Variants in MICAL3 observed in about 807,000 individuals in gnomAD.
MICAL3 encodes the protein microtubule associated monooxygenase, calponin and LIM domain containing 3.
Under a neutral mutation model 207.4 loss-of-function variants are expected in MICAL3, and 62 were observed. That is an observed-to-expected ratio of 0.30 (90% confidence interval 0.24 to 0.37). The LOEUF (loss-of-function observed/expected upper bound fraction) is 0.37, where lower values mean the gene tolerates loss of function less well. Ranked by LOEUF, MICAL3 falls within the 10% of genes least tolerant of loss-of-function variation. MICAL3 has a pLI of 1.00. For synonymous variants in MICAL3, 1,077 were observed against 1,069.3 expected, an observed-to-expected ratio of 1.01 and a Z score of -0.14; for missense variants, 2,368 against 2,635.6, an observed-to-expected ratio of 0.90 and a Z score of 2.22.
In MICAL3 at chr22:17,932,369, G is replaced by C. The variant is rs578102854; in HGVS notation, c.-74-25483C>G. Among the ~76,000 whole-genome samples the C allele has an allele frequency of 2.6e-5, 4 of 152,254 alleles. No individual in the cohort carries two copies. The South Asian group carries it at 8.3e-4, about 32-fold the overall frequency. On this transcript the variant is annotated intron_variant, in intron 1 of 31. Coordinates refer to ENST00000441493, the MANE Select transcript of MICAL3 (RefSeq NM_015241.3). ...TTTTCAACCCAGAATTTCATATCTA[G>C]CCAAACTAAGCTTCATAAGTGAAGG... is the stretch of plus-strand genomic sequence containing the variant.
intron 1 of MICAL3, among the ~76,000 whole-genome samples, chr22:17,923,459 A>G (rs1932845322): frequency 6.6e-6 from 1 of 152,176 alleles, no homozygotes; most frequent in African/African-American, 2.4e-5. Context: ...CACCAATAAG[A>G]TTAGCCAGTG....
intron 1 of MICAL3, among the ~76,000 whole-genome samples, chr22:17,949,997 A>G (rs1298637251): frequency 2.0e-5 from 3 of 152,212 alleles, no homozygotes; most frequent in African/African-American, 7.2e-5. Flanking sequence ...GGGGTGGTCT[A>G]GAAAGGGAGA....
intron 1 of MICAL3, among the ~76,000 whole-genome samples, chr22:17,910,931 A>G (rs1303204095): frequency 1.3e-5 from 2 of 152,336 alleles, no homozygotes; most frequent in East Asian, 3.9e-4. Flanking sequence ...AGACCAGGAA[A>G]CCTGGCAGGA....
intron 29 of MICAL3, among the ~76,000 whole-genome samples, chr22:17,806,802 T>C (rs2145980261): frequency 6.6e-6 from 1 of 152,348 alleles, no homozygotes; most frequent in South Asian, 2.1e-4. Context: ...ATTTGGGTTG[T>C]GTATGTTTGA....
intron 19 of MICAL3, among the ~76,000 whole-genome samples, chr22:17,845,346 A>G (rs1371485272): frequency 6.6e-6 from 1 of 152,202 alleles, no homozygotes; most frequent in African/African-American, 2.4e-5. Context: ...TGGGGAACGC[A>G]TACTGTCTGG....
At chr22:17,963,045 C>T (rs1289794607) in intron 1 of MICAL3, among the ~76,000 whole-genome samples, 1 of 152,172 alleles carries the variant, frequency 6.6e-6, no homozygotes, top group East Asian at 1.9e-4. Context: ...AGCCACCACA[C>T]CTAGCCAGCG....
intron 25 of MICAL3, among the ~76,000 whole-genome samples, chr22:17,821,104 G>A (rs975710724): frequency 2.0e-5 from 3 of 151,706 alleles, no homozygotes; most frequent in African/African-American, 7.3e-5. Context: ...TATGGTGTGT[G>A]GTATGTGGAC....
intron 25 of MICAL3, among the ~76,000 whole-genome samples, chr22:17,820,643 C>T (rs62238915): frequency 0.23 from 35,088 of 151,986 alleles, 5,124 homozygotes; most frequent in Non-Finnish European, 0.33. Flanking sequence ...CGTGAGCCAC[C>T]GCGCCTGGCC....
intron 29 of MICAL3, among the ~76,000 whole-genome samples, chr22:17,791,953 A>G (rs2061829043): frequency 6.6e-6 from 1 of 152,244 alleles, no homozygotes; most frequent in Non-Finnish European, 1.5e-5. Flanking sequence ...GCAGAGAAAC[A>G]CTAGCAGCCC....
At chr22:17,826,892 T>C (rs34837770) in intron 22 of MICAL3, among the ~76,000 whole-genome samples, 44,042 of 151,876 alleles carry the variant, frequency 0.29, 6,741 homozygotes, top group Non-Finnish European at 0.34. Context: ...AATGCTGTTT[T>C]ATGATGGCAG....
At position 17,894,048 on chromosome 22, in the gene MICAL3, A is replaced by G. The variant is rs895756570; in HGVS notation, c.1450-144T>C. 4.7e-6 allele frequency: 3 copies of G among 636,774 alleles called. No homozygotes were observed. In the East Asian group the frequency reaches 8.2e-5, roughly 17 times the overall value. 39.4% of individuals were successfully genotyped at this position (636,774 alleles called of 1,614,324 possible). A position where few individuals can be genotyped will look rare whatever the true frequency, so the allele number is the denominator to read the frequency against. ...CAGAAGTTAGGATGATGACCTTTAAATCTTTTATGAAATAAGGTGGGGTTT... is the reference window on the plus strand; with the variant it reads ...CAGAAGTTAGGATGATGACCTTTAAGTCTTTTATGAAATAAGGTGGGGTTT... On this transcript the variant is annotated intron_variant, in intron 10 of 31. Coordinates refer to ENST00000441493, the MANE Select transcript of MICAL3 (RefSeq NM_015241.3).
chr22:17,905,078 G>A (rs555631650), intron 2 of MICAL3, among the ~76,000 whole-genome samples: 1 of 152,316 alleles, frequency 6.6e-6, no homozygotes, highest in African/African-American at 2.4e-5. Context: ...ACACAAGCTC[G>A]GCACCTGTTC....
intron 20 of MICAL3, among the ~76,000 whole-genome samples, chr22:17,833,330 G>A (rs2146046942): frequency 6.6e-6 from 1 of 152,356 alleles, no homozygotes; most frequent in South Asian, 2.1e-4. Context: ...GAGGCCGGGG[G>A]AAATCAGCTT....
chr22:17,827,892 A>C lies in MICAL3; in HGVS notation c.3056-111T>G, dbSNP rs370783138. ...TACAGCATTGGCCAGGGTCAGTATGAATCAGAAAGAAGTAAAAATTAAGAA... is the reference window on the plus strand; with the variant it reads ...TACAGCATTGGCCAGGGTCAGTATGCATCAGAAAGAAGTAAAAATTAAGAA... On this transcript the variant is annotated intron_variant, in intron 21 of 31. Transcript: ENST00000441493. 7.0e-5 allele frequency: 81 copies of C among 1,156,704 alleles called. No individual in the cohort carries two copies. In the East Asian group the frequency reaches 1.2e-3, roughly 17 times the overall value. The allele number at this position is 1,156,704 out of a possible 1,614,324, so 71.7% of individuals were successfully genotyped here. A position where few individuals can be genotyped will look rare whatever the true frequency, so the allele number is the denominator to read the frequency against.
At chr22:17,989,882 C>T (rs909070091) in intron 1 of MICAL3, among the ~76,000 whole-genome samples, 5 of 152,134 alleles carry the variant, frequency 3.3e-5, no homozygotes, top group African/African-American at 7.2e-5. Context: ...CTTGTTTTCC[C>T]GAATCACACC....
At chr22:17,795,865 CACCTGACTGGA>C (rs2061870786) in intron 29 of MICAL3, among the ~76,000 whole-genome samples, 1 of 133,084 alleles carries the variant, frequency 7.5e-6, no homozygotes, top group African/African-American at 3.0e-5. Flanking sequence ...AGGGGAGTTC[CACCTGACTGGA>C]ACCTGACTGA....
At chr22:17,847,873 C>A (rs748035242) in intron 19 of MICAL3, among the ~76,000 whole-genome samples, 1 of 152,136 alleles carries the variant, frequency 6.6e-6, no homozygotes, top group Non-Finnish European at 1.5e-5. Context: ...CTATGTTGCC[C>A]AGGCTGGTCT....
chr22:17,821,885 GA>G, intron 24 of MICAL3, 144 bp downstream of exon 24: 1 of 1,065,088 alleles, frequency 9.4e-7, no homozygotes. Context: ...GACAGAGGAG[GA>G]AAAGGCAAGG....
intron 19 of MICAL3, among the ~76,000 whole-genome samples, chr22:17,845,192 G>A (rs937724411): frequency 6.6e-6 from 1 of 152,166 alleles, no homozygotes; most frequent in African/African-American, 2.4e-5. Context: ...TTTTAGATGG[G>A]AGAAGAAAAA....
Sources: gnomAD v4.1 joint callset for allele counts (sites outside exome capture counted in the v4.1 genomes callset) on GRCh38, gnomAD v4.1.1 for gene constraint, MANE v1.5 for transcripts, NCBI Gene and HGNC (gene_info 2026-07-23, HGNC 2026-07-21) for gene names.